Variants in RIMBP2 observed in about 807,000 individuals in gnomAD.
The protein encoded by RIMBP2 is RIMS binding protein 2.
A neutral mutation model predicts 118.6 loss-of-function variants in RIMBP2; 48 were observed. The ratio of observed to expected loss-of-function variants is 0.40; its 90% confidence interval spans 0.32 to 0.51. The LOEUF is 0.51. Among genes scored for constraint, RIMBP2 ranks in the 20% least tolerant of loss-of-function variants. The probability of loss-of-function intolerance (pLI) is 0.41; values close to 1 mark genes in which losing one functional copy is unlikely to be tolerated. For synonymous variants in RIMBP2, 762 were observed against 742.9 expected (o/e 1.03, Z -0.42); for missense variants, 1,551 against 1,768.3 (o/e 0.88, Z 2.20).
intron 2 of RIMBP2, among the ~76,000 whole-genome samples, chr12:130,519,971 C>G (rs887653246): frequency 6.6e-6 from 1 of 152,192 alleles, no homozygotes; most frequent in Non-Finnish European, 1.5e-5. Flanking sequence ...CCCCTTCCCT[C>G]CTGAAGGCAT....
intron 1 of RIMBP2, among the ~76,000 whole-genome samples, chr12:130,636,417 C>A (rs1417643588): frequency 6.6e-6 from 1 of 152,136 alleles, no homozygotes; most frequent in African/African-American, 2.4e-5. Flanking sequence ...TGTGCAGGTG[C>A]GAGGACCCAG....
At chr12:130,435,250 G>A (rs2077432162) in intron 13 of RIMBP2, among the ~76,000 whole-genome samples, 1 of 151,982 alleles carries the variant, frequency 6.6e-6, no homozygotes, top group Admixed American at 6.6e-5. Flanking sequence ...TTCACTGTTG[G>A]TCAGGCTGGT....
At position 130,434,023 on chromosome 12, in the gene RIMBP2, C is replaced by A. The variant is rs942906060; in HGVS notation, c.2253+711G>T. ...GGTCTGTAACCAGCCGGGACATAAACCCAGGCCTGAGAGATGCCAGTCCCC... is the reference window on the plus strand; with the variant it reads ...GGTCTGTAACCAGCCGGGACATAAAACCAGGCCTGAGAGATGCCAGTCCCC... On this transcript the variant is annotated intron_variant, in intron 14 of 22. Transcript: ENST00000690449. This position sits in a 1 kb window ranked among gnomAD's most constrained non-coding sequence, Gnocchi z 5.7. Among the ~76,000 whole-genome samples the A allele has an allele frequency of 2.0e-5, 3 of 152,208 alleles. No individual in the cohort carries two copies. Among genetic ancestry groups the A allele is most frequent in the African/African-American group, 7.2e-5 (3 of 41,450 alleles).
intron 19 of RIMBP2, among the ~76,000 whole-genome samples, chr12:130,412,119 A>T (rs1015287995): frequency 6.6e-6 from 1 of 152,170 alleles, no homozygotes; most frequent in African/African-American, 2.4e-5. Context: ...GTTTTGCTGC[A>T]TTCTCACTGG....
chr12:130,559,871 C>G (rs78496981), intron 2 of RIMBP2, among the ~76,000 whole-genome samples: 1 of 152,152 alleles, frequency 6.6e-6, no homozygotes, highest in Non-Finnish European at 1.5e-5. Flanking sequence ...TCAAGGCCTC[C>G]GAATTTTCTT....
chr12:130,546,875 C>A (rs1354835660), intron 2 of RIMBP2, among the ~76,000 whole-genome samples: 4 of 152,210 alleles, frequency 2.6e-5, no homozygotes, highest in African/African-American at 9.6e-5. Flanking sequence ...GAAGCGCTGG[C>A]AACCCTGGCC....
chr12:130,645,508 C>T (rs528389870), intron 1 of RIMBP2, among the ~76,000 whole-genome samples: 13 of 152,340 alleles, frequency 8.5e-5, no homozygotes, highest in African/African-American at 2.9e-4. Context: ...TCCACCCCTA[C>T]AGTCAGGACA....
intron 2 of RIMBP2, among the ~76,000 whole-genome samples, chr12:130,615,961 G>C (rs1341152538): frequency 6.6e-6 from 1 of 152,054 alleles, no homozygotes; most frequent in Admixed American, 6.5e-5. Flanking sequence ...CTCCGGGCGG[G>C]GACGTGGTCT....
chr12:130,399,786 C>G lies in RIMBP2; in HGVS notation c.3793G>C (p.Val1265Leu), dbSNP rs757035952. ...YGELNGQKGL[V>L]PSNFLEEVPD... is the part of the protein sequence containing the mutation. The stretch of plus-strand genomic sequence containing the variant: ...ACTTCTTCCAAGAAGTTTGAGGGCA[C>G]AAGGCCTTTCTGCCCATTCAGCTCC... Residue 1265 changes from valine to leucine, a missense_variant, in exon 22 of 23, where the codon GTG becomes CTG. By Grantham distance (32) the Val-to-Leu change is conservative. Around this residue, in one of 5 missense-constraint regions of RIMBP2, gnomAD observed 1,038 missense variants for 1,125.1 expected, o/e 0.92. Transcript: ENST00000690449. 4.2e-5 allele frequency: 67 copies of G among 1,614,046 alleles called. 1 individual carries two copies. The highest frequency in any genetic ancestry group is 2.8e-4 in the Admixed American group (17 of 60,004).
chr12:130,646,039 T>TTCCCTCACTACCTCCCTCACCACC (rs1555317445), intron 1 of RIMBP2, among the ~76,000 whole-genome samples: 1 of 142,488 alleles, frequency 7.0e-6, no homozygotes, highest in Admixed American at 7.1e-5. Flanking sequence ...CGGCAGCCAG[T>TTCCCTCACTACCTCCCTCACCACC]TCCCTCTCCA....
intron 4 of RIMBP2, among the ~76,000 whole-genome samples, chr12:130,497,437 T>C (rs1420558700): frequency 1.3e-5 from 2 of 152,122 alleles, no homozygotes; most frequent in Non-Finnish European, 2.9e-5. Context: ...AGTTAAACCG[T>C]CCTTCCCTGC....
intron 2 of RIMBP2, among the ~76,000 whole-genome samples, chr12:130,558,422 C>A (rs1472120970): frequency 6.6e-6 from 1 of 152,122 alleles, no homozygotes; most frequent in Admixed American, 6.5e-5. Context: ...CTGGGCTTTG[C>A]ACTTCCTGAG....
In RIMBP2 at chr12:130,422,697, T is replaced by G; in HGVS notation, c.3130-136A>C. On this transcript the variant is annotated intron_variant, in intron 16 of 22. Transcript: ENST00000690449. The surrounding 1 kb of genome is among the most constrained non-coding windows in gnomAD (Gnocchi z 5.2). ...CTTAGCTTTTAACTGAAAGGTTAGCTGAATGGCCTGGGAGAGAACAAAGCC... is the reference window on the plus strand; with the variant it reads ...CTTAGCTTTTAACTGAAAGGTTAGCGGAATGGCCTGGGAGAGAACAAAGCC... The G allele has an allele frequency of 1.5e-6, 1 of 649,190 alleles. No homozygotes were observed. Among genetic ancestry groups the G allele is most frequent in the Non-Finnish European group, 2.7e-6 (1 of 368,478 alleles). 40.2% of individuals were successfully genotyped at this position (649,190 alleles called of 1,614,324 possible).
intron 2 of RIMBP2, among the ~76,000 whole-genome samples, chr12:130,555,286 G>A (rs1393524737): frequency 6.6e-6 from 1 of 152,086 alleles, no homozygotes; most frequent in Admixed American, 6.5e-5. Flanking sequence ...GGAAAAAATG[G>A]TAAATTTAAA....
In RIMBP2 at chr12:130,476,562, C is replaced by T. The variant is rs114049184; in HGVS notation, c.102+2350G>A. Reference sequence around the variant, plus strand: ...CCAGCTACCCGGCCTTCTTCCTCTTCCCTGGATGCGCTGGGCTGGTTCCCA... The same window carrying T: ...CCAGCTACCCGGCCTTCTTCCTCTTTCCTGGATGCGCTGGGCTGGTTCCCA... On this transcript the variant is annotated intron_variant, in intron 5 of 22. Coordinates refer to ENST00000690449, the MANE Select transcript of RIMBP2 (RefSeq NM_001393629.1). 2.5e-3 allele frequency among the ~76,000 whole-genome samples: 383 copies of T among 152,340 alleles called. 2 individuals are homozygous for T. Among genetic ancestry groups the T allele is most frequent in the African/African-American group, 8.5e-3 (352 of 41,568 alleles).
chr12:130,536,725 C>T (rs989355786), intron 2 of RIMBP2, among the ~76,000 whole-genome samples: 1 of 152,142 alleles, frequency 6.6e-6, no homozygotes, highest in Admixed American at 6.5e-5. Flanking sequence ...GTATGTAGAG[C>T]TTAATTTCCT....
intron 1 of RIMBP2, among the ~76,000 whole-genome samples, chr12:130,711,593 G>T (rs1166039717): frequency 6.6e-6 from 1 of 152,120 alleles, no homozygotes; most frequent in African/African-American, 2.4e-5. Flanking sequence ...AGTTTATATT[G>T]TGTGAAGGTT....
chr12:130,438,583 C>T, intron 11 of RIMBP2, 67 bp from the exon 12 acceptor site: 1 of 1,376,464 alleles, frequency 7.3e-7, no homozygotes, highest in Non-Finnish European at 9.7e-7. Context: ...CGTGACTGGG[C>T]TCTGCCCATC....
chr12:130,602,327 A>G (rs1378683942), intron 2 of RIMBP2, among the ~76,000 whole-genome samples: 2 of 152,220 alleles, frequency 1.3e-5, no homozygotes, highest in Non-Finnish European at 2.9e-5. Flanking sequence ...AACCTACCTT[A>G]TCCATTTCAG....
Sources: allele counts gnomAD v4.1 joint callset (sites outside exome capture counted in the v4.1 genomes callset), GRCh38; gene constraint gnomAD v4.1.1; regional missense constraint gnomAD v4.1.1; non-coding constraint Gnocchi (gnomAD v3.1); transcripts MANE v1.5; gene names NCBI Gene and HGNC (gene_info 2026-07-23, HGNC 2026-07-21).